Variants in KCNIP4 observed in about 807,000 individuals in gnomAD.
KCNIP4 encodes potassium voltage-gated channel interacting protein 4, also known as Kv channel-interacting protein 4.
In KCNIP4, 12 loss-of-function variants were observed where a neutral mutation model predicts 34.0. That is an observed-to-expected ratio of 0.35 (90% CI 0.23 to 0.57). The LOEUF is 0.57. Ranked by LOEUF, KCNIP4 falls within the 20% of genes least tolerant of loss-of-function variation. The pLI, the probability that KCNIP4 is intolerant of heterozygous loss-of-function variation, is 0.83. For missense variants in KCNIP4, 238 were observed against 311.7 expected (o/e 0.76, Z 1.78); for synonymous variants, 124 against 102.2 (o/e 1.21, Z -1.29).
intron 1 of KCNIP4, among the ~76,000 whole-genome samples, chr4:21,317,886 G>A (rs751413981): frequency 2.0e-5 from 3 of 152,200 alleles, no homozygotes; most frequent in South Asian, 2.1e-4. Flanking sequence ...CATGTGAGGC[G>A]TGTCTTTCAC....
intron 1 of KCNIP4, among the ~76,000 whole-genome samples, chr4:21,658,151 A>T (rs2108984706): frequency 1.3e-5 from 2 of 152,262 alleles, no homozygotes; most frequent in South Asian, 4.1e-4. Flanking sequence ...ATGTAATTTT[A>T]TTTAAGATAC....
chr4:20,977,309 A>G (rs904161482), intron 1 of KCNIP4, among the ~76,000 whole-genome samples: 1 of 152,200 alleles, frequency 6.6e-6, no homozygotes, highest in South Asian at 2.1e-4. Flanking sequence ...GTCCAGGTCA[A>G]TGTCTTGCTC....
intron 1 of KCNIP4, among the ~76,000 whole-genome samples, chr4:21,145,333 T>C (rs1194487859): frequency 2.6e-5 from 4 of 152,154 alleles, no homozygotes; most frequent in Admixed American, 6.5e-5. Flanking sequence ...CAGAGTTTCA[T>C]GGAGGTGGGG....
Position 21,468,214 on chromosome 4 carries a change from A to T in KCNIP4, c.61+480357T>A, listed in dbSNP as rs944218598. 4.2e-4 allele frequency among the ~76,000 whole-genome samples: 64 copies of T among 152,168 alleles called. 1 individual carries two copies. The highest frequency in any genetic ancestry group is 1.5e-3 in the African/African-American group (62 of 41,444). On this transcript the variant is annotated intron_variant, in intron 1 of 8. Coordinates refer to ENST00000382152, the MANE Select transcript of KCNIP4 (RefSeq NM_025221.6). ...CTAGGATGAAGGAGAATGATCACAT[A>T]GTTACTAAAAGAATTAAAATGTACA...
At chr4:21,188,278 A>ACAT (rs997489218) in intron 1 of KCNIP4, among the ~76,000 whole-genome samples, 4 of 152,300 alleles carry the variant, frequency 2.6e-5, no homozygotes, top group African/African-American at 9.6e-5. Flanking sequence ...GGGGAAAGGC[A>ACAT]CATTTTCAAA....
At chr4:21,461,217 C>T (rs1479519082) in intron 1 of KCNIP4, among the ~76,000 whole-genome samples, 2 of 151,952 alleles carry the variant, frequency 1.3e-5, no homozygotes, top group African/African-American at 2.4e-5. Context: ...CCCTGTGTCT[C>T]GCTCTCTCTC....
chr4:21,510,621 A>AGG (rs1734232451), intron 1 of KCNIP4, among the ~76,000 whole-genome samples: 1 of 152,172 alleles, frequency 6.6e-6, no homozygotes, highest in Non-Finnish European at 1.5e-5. Context: ...CTAGACCATT[A>AGG]ACAAGTTGAT....
At chr4:21,193,570 A>ATTTTTTT (rs1247945573) in intron 1 of KCNIP4, among the ~76,000 whole-genome samples, 1 of 104,646 alleles carries the variant, frequency 9.6e-6, no homozygotes, top group African/African-American at 5.4e-5. Flanking sequence ...TGCAATTTTA[A>ATTTTTTT]ATTTTTTTTT....
chr4:21,335,697 A>G (rs576981380), intron 1 of KCNIP4, among the ~76,000 whole-genome samples: 1 of 152,316 alleles, frequency 6.6e-6, no homozygotes, highest in Non-Finnish European at 1.5e-5. Flanking sequence ...TAGTCACCTC[A>G]CTGGATTTAC....
intron 1 of KCNIP4, among the ~76,000 whole-genome samples, chr4:21,276,533 T>A (rs2109150873): frequency 6.6e-6 from 1 of 152,226 alleles, no homozygotes; most frequent in South Asian, 2.1e-4. Flanking sequence ...AGATTCCTCA[T>A]CATTGGATTC....
At chr4:21,155,966 A>G (rs1199254844) in intron 1 of KCNIP4, among the ~76,000 whole-genome samples, 1 of 152,156 alleles carries the variant, frequency 6.6e-6, no homozygotes, top group African/African-American at 2.4e-5. Context: ...AAAAATTGTC[A>G]TTGGACACAA....
intron 1 of KCNIP4, among the ~76,000 whole-genome samples, chr4:21,509,406 C>A (rs997718885): frequency 2.6e-5 from 4 of 152,134 alleles, no homozygotes; most frequent in Non-Finnish European, 5.9e-5. Flanking sequence ...CTTGGTATGA[C>A]AATACCATAA....
At chr4:21,312,579 C>T (rs999625814) in intron 1 of KCNIP4, among the ~76,000 whole-genome samples, 3 of 152,154 alleles carry the variant, frequency 2.0e-5, no homozygotes, top group African/African-American at 4.8e-5. Context: ...GGGGTTCCTT[C>T]GGTTTCTCAT....
At chr4:21,393,582 C>G (rs1476718049) in intron 1 of KCNIP4, among the ~76,000 whole-genome samples, 1 of 152,058 alleles carries the variant, frequency 6.6e-6, no homozygotes, top group African/African-American at 2.4e-5. Context: ...CCATTAGCAC[C>G]TTGGTACGCA....
chr4:20,974,741 T>C (rs1735315994), intron 1 of KCNIP4, among the ~76,000 whole-genome samples: 1 of 152,220 alleles, frequency 6.6e-6, no homozygotes, highest in African/African-American at 2.4e-5. Context: ...AACTAATTTT[T>C]TGGTATGTTC....
chr4:21,046,966 T>C (rs757132561), intron 1 of KCNIP4, among the ~76,000 whole-genome samples: 2 of 152,336 alleles, frequency 1.3e-5, no homozygotes, highest in South Asian at 2.1e-4. Context: ...GCTCACACTA[T>C]ACAGAATGAG....
chr4:21,827,607 AAGGTGTTC>A (rs1722748126), intron 1 of KCNIP4, among the ~76,000 whole-genome samples: 1 of 152,042 alleles, frequency 6.6e-6, no homozygotes. Context: ...TCTTTTGTGA[AAGGTGTTC>A]AGAGAGGACA....
At chr4:21,677,904 C>A (rs937630514) in intron 1 of KCNIP4, among the ~76,000 whole-genome samples, 2 of 152,126 alleles carry the variant, frequency 1.3e-5, no homozygotes, top group Non-Finnish European at 2.9e-5. Context: ...CATGAGTCAC[C>A]ACACCTGGCT....
intron 1 of KCNIP4, among the ~76,000 whole-genome samples, chr4:21,618,557 CTGG>C (rs1744758516): frequency 7.1e-6 from 1 of 141,692 alleles, no homozygotes; most frequent in South Asian, 2.4e-4. Context: ...CTCTCTTTTT[CTGG>C]TCTCTCTCTC....
Sources: allele counts gnomAD v4.1 joint callset (sites outside exome capture counted in the v4.1 genomes callset), GRCh38; gene constraint gnomAD v4.1.1; transcripts MANE v1.5; gene names NCBI Gene and HGNC (gene_info 2026-07-23, HGNC 2026-07-21).